Variants in AUTS2 observed in about 807,000 individuals in gnomAD.
The protein encoded by AUTS2 is activator of transcription and developmental regulator AUTS2, also known as autism susceptibility gene 2 protein.
In AUTS2, 17 loss-of-function variants were observed where a neutral mutation model predicts 112.4. That is an observed-to-expected ratio of 0.15 (90% CI 0.10 to 0.23). The LOEUF is 0.23. Ranked by LOEUF, AUTS2 falls within the 10% of genes least tolerant of loss-of-function variation. The pLI is 1.00. For missense variants in AUTS2, 1,510 were observed against 1,701.6 expected, an observed-to-expected ratio of 0.89 and a Z score of 1.98; for synonymous variants, 751 against 702.7, an observed-to-expected ratio of 1.07 and a Z score of -1.09.
chr7:69,816,340 T>C (rs891984377), intron 1 of AUTS2, among the ~76,000 whole-genome samples: 2 of 152,236 alleles, frequency 1.3e-5, no homozygotes, highest in Non-Finnish European at 2.9e-5. Context: ...CAGTTGGGGT[T>C]AGTACTTTCT....
At chr7:70,059,265 AG>A (rs2129560476) in intron 2 of AUTS2, among the ~76,000 whole-genome samples, 1 of 152,344 alleles carries the variant, frequency 6.6e-6, no homozygotes, top group East Asian at 1.9e-4. Flanking sequence ...ATATATATGT[AG>A]CCTTTCAGAT....
chr7:70,340,248 C>T, intron 4 of AUTS2, among the ~76,000 whole-genome samples: 1 of 150,856 alleles, frequency 6.6e-6, no homozygotes, highest in African/African-American at 2.4e-5. Flanking sequence ...ACATAAATAC[C>T]AGTACACATT....
At chr7:69,834,857 C>T (rs1225703948) in intron 1 of AUTS2, among the ~76,000 whole-genome samples, 1 of 152,134 alleles carries the variant, frequency 6.6e-6, no homozygotes, top group Non-Finnish European at 1.5e-5. Context: ...AAATAAAAGC[C>T]AGTTTACCTT....
At chr7:69,785,004 G>T (rs984546312) in intron 1 of AUTS2, among the ~76,000 whole-genome samples, 3 of 151,990 alleles carry the variant, frequency 2.0e-5, no homozygotes, top group African/African-American at 7.3e-5. Flanking sequence ...TAATGGTGGT[G>T]GTGATAGTGA....
At chr7:70,649,452 G>A (rs1806363941) in intron 5 of AUTS2, among the ~76,000 whole-genome samples, 2 of 152,066 alleles carry the variant, frequency 1.3e-5, no homozygotes, top group South Asian at 4.2e-4. Context: ...ATAAGTGGTG[G>A]GACATGGGGG....
chr7:70,503,816 A>G (rs2116667921), intron 5 of AUTS2, among the ~76,000 whole-genome samples: 1 of 150,724 alleles, frequency 6.6e-6, no homozygotes, highest in East Asian at 1.9e-4. Context: ...TACTGCACCC[A>G]GCCCAAAATT....
intron 5 of AUTS2, among the ~76,000 whole-genome samples, chr7:70,551,475 C>T (rs1801012976): frequency 6.6e-6 from 1 of 152,122 alleles, no homozygotes; most frequent in African/African-American, 2.4e-5. Context: ...CCTCTCAACC[C>T]AGTCTTAATC....
At chr7:70,155,040 G>C (rs753490571) in intron 4 of AUTS2, among the ~76,000 whole-genome samples, 2 of 152,144 alleles carry the variant, frequency 1.3e-5, no homozygotes, top group Non-Finnish European at 2.9e-5. Flanking sequence ...GCCTGGTTTT[G>C]TTCTTCCCAG....
At chr7:70,067,404 A>G (rs1005300722) in intron 2 of AUTS2, among the ~76,000 whole-genome samples, 3 of 152,202 alleles carry the variant, frequency 2.0e-5, no homozygotes, top group African/African-American at 7.2e-5. Context: ...TGAGACTACT[A>G]ACTTCTGGGA....
intron 6 of AUTS2, among the ~76,000 whole-genome samples, chr7:70,735,576 GTCTTCC>G (rs1787735544): frequency 6.6e-6 from 1 of 152,136 alleles, no homozygotes; most frequent in South Asian, 2.1e-4. Context: ...GCATCACCCT[GTCTTCC>G]TCATTCCCTG....
chr7:69,626,741 C>T (rs1217453948), intron 1 of AUTS2, among the ~76,000 whole-genome samples: 1 of 152,152 alleles, frequency 6.6e-6, no homozygotes, highest in African/African-American at 2.4e-5. Flanking sequence ...TTTATATGCT[C>T]CTTTCCCCCA....
intron 1 of AUTS2, among the ~76,000 whole-genome samples, chr7:69,731,263 G>A (rs1441572693): frequency 6.6e-6 from 1 of 152,120 alleles, no homozygotes; most frequent in Non-Finnish European, 1.5e-5. Flanking sequence ...CTGCACTCTA[G>A]CCTGGAAGAC....
At chr7:70,585,707 C>T (rs936097553) in intron 5 of AUTS2, among the ~76,000 whole-genome samples, 2 of 152,102 alleles carry the variant, frequency 1.3e-5, no homozygotes, top group South Asian at 2.1e-4. Flanking sequence ...GGATGATCAC[C>T]CTCGCTATTA....
intron 4 of AUTS2, among the ~76,000 whole-genome samples, chr7:70,228,949 G>A (rs917133261): frequency 4.0e-5 from 6 of 151,792 alleles, no homozygotes; most frequent in Non-Finnish European, 7.4e-5. Context: ...ATGTGGAATT[G>A]ATTTATGGCT....
intron 2 of AUTS2, among the ~76,000 whole-genome samples, chr7:69,948,030 CT>C (rs1328405654): frequency 3.3e-5 from 5 of 152,160 alleles, no homozygotes; most frequent in African/African-American, 1.2e-4. Context: ...TCGCGAAGTC[CT>C]ATGTCTACAT....
At chr7:70,035,764 C>T (rs977213698) in intron 2 of AUTS2, among the ~76,000 whole-genome samples, 10 of 152,094 alleles carry the variant, frequency 6.6e-5, no homozygotes, top group African/African-American at 2.4e-4. Context: ...ATTTCTTGTT[C>T]CTCCTCATTT....
intron 3 of AUTS2, among the ~76,000 whole-genome samples, chr7:70,125,125 T>G (rs1468956714): frequency 6.6e-6 from 1 of 152,184 alleles, no homozygotes; most frequent in Non-Finnish European, 1.5e-5. Flanking sequence ...CCTGCTTCTT[T>G]GTATGCCTGG....
At chr7:69,940,242 C>T (rs750594004) in intron 2 of AUTS2, among the ~76,000 whole-genome samples, 3 of 152,166 alleles carry the variant, frequency 2.0e-5, no homozygotes, top group Non-Finnish European at 4.4e-5. Flanking sequence ...GTGAGAAGGG[C>T]AGAGAGTTGA....
chr7:69,994,075 G>A (rs1050519781), intron 2 of AUTS2, among the ~76,000 whole-genome samples: 2 of 151,878 alleles, frequency 1.3e-5, no homozygotes, highest in Non-Finnish European at 2.9e-5. Context: ...TAAGAGATAT[G>A]TATTAATAAG....
Sources: allele counts gnomAD v4.1 joint callset (sites outside exome capture counted in the v4.1 genomes callset), GRCh38; gene constraint gnomAD v4.1.1; transcripts MANE v1.5; gene names NCBI Gene and HGNC (gene_info 2026-07-23, HGNC 2026-07-21).